COMMD10: variants seen among roughly 807,000 people sequenced by gnomAD.
COMMD10 encodes COMM domain-containing protein 10.
A neutral mutation model predicts 28.9 loss-of-function variants in COMMD10; 33 were observed. The observed-to-expected ratio is 1.14, with a 90% CI of 0.87 to 1.53. The LOEUF is 1.53. COMMD10 is among the 40% of genes most tolerant of loss of function. The probability of loss-of-function intolerance (pLI) is 0.00; values close to 1 mark genes in which losing one functional copy is unlikely to be tolerated. For missense variants in COMMD10, 310 were observed against 233.4 expected (o/e 1.33, Z -2.14); for synonymous variants, 110 against 81.7 (o/e 1.35, Z -1.87).
chr5:116,087,371 T>C lies in COMMD10; in HGVS notation c.42-126T>C, dbSNP rs1750139821. Reference sequence around the variant, plus strand: ...CCTTTTTTGCTGGCTGTCATCTGTTTTTATTTCACTCAGATTTACCATATA... The same window carrying C: ...CCTTTTTTGCTGGCTGTCATCTGTTCTTATTTCACTCAGATTTACCATATA... On this transcript the variant is annotated intron_variant, in intron 1 of 6. Transcript: ENST00000274458. The C allele has an allele frequency of 2.0e-5, 12 of 591,048 alleles. No individual in the cohort carries two copies. In the South Asian group the frequency reaches 3.0e-4, roughly 15 times the overall value. 36.6% of individuals were successfully genotyped at this position (591,048 alleles called of 1,614,324 possible).
chr5:116,171,015 A>G (rs1156438501), intron 5 of COMMD10, among the ~76,000 whole-genome samples: 1 of 152,230 alleles, frequency 6.6e-6, no homozygotes, highest in Non-Finnish European at 1.5e-5. Context: ...GAGCTTCTGC[A>G]CAGCAAAAGA....
chr5:116,187,905 GAGAATAATA>G (rs1375661974), intron 5 of COMMD10, among the ~76,000 whole-genome samples: 2 of 152,078 alleles, frequency 1.3e-5, no homozygotes, highest in Non-Finnish European at 2.9e-5. Flanking sequence ...AGAATTCTGA[GAGAATAATA>G]AGGGACTTTA....
At chr5:116,278,481 GTGA>G (rs1295990808) in intron 5 of COMMD10, among the ~76,000 whole-genome samples, 2 of 151,828 alleles carry the variant, frequency 1.3e-5, no homozygotes, top group African/African-American at 2.4e-5. Flanking sequence ...GGAAAATATA[GTGA>G]TGATATGACT....
At chr5:116,239,663 G>C (rs1444175566) in intron 5 of COMMD10, among the ~76,000 whole-genome samples, 2 of 152,118 alleles carry the variant, frequency 1.3e-5, no homozygotes, top group African/African-American at 2.4e-5. Flanking sequence ...GCTGTCATTT[G>C]ATCAGAATCT....
intron 5 of COMMD10, among the ~76,000 whole-genome samples, chr5:116,289,415 A>G (rs1366473817): frequency 6.6e-6 from 1 of 151,606 alleles, no homozygotes; most frequent in Admixed American, 6.6e-5. Context: ...CTTCACTAAT[A>G]CCCCAGCTGG....
chr5:116,251,885 G>T (rs1424521721), intron 5 of COMMD10, among the ~76,000 whole-genome samples: 1 of 151,728 alleles, frequency 6.6e-6, no homozygotes, highest in Non-Finnish European at 1.5e-5. Context: ...TTCCACAAGG[G>T]TTGAACTAGT....
rs149771384 is a variant in COMMD10, at chr5:116,111,135, G to A, written c.399+18435G>A. ...ATATCATTTGTAACGTCTCCATTTTGATTTCTTATTATATTTGGATCTTCT... is the reference window on the plus strand; with the variant it reads ...ATATCATTTGTAACGTCTCCATTTTAATTTCTTATTATATTTGGATCTTCT... On this transcript the variant is annotated intron_variant, in intron 4 of 6. Coordinates refer to ENST00000274458, the MANE Select transcript of COMMD10 (RefSeq NM_016144.4). 6.3e-3 allele frequency among the ~76,000 whole-genome samples: 963 copies of A among 152,166 alleles called. 2 individuals are homozygous for A. The highest frequency in any genetic ancestry group is 9.7e-3 in the Non-Finnish European group (657 of 67,980).
At chr5:116,253,875 C>G (rs1750198142) in intron 5 of COMMD10, among the ~76,000 whole-genome samples, 1 of 149,464 alleles carries the variant, frequency 6.7e-6, no homozygotes, top group Non-Finnish European at 1.5e-5. Flanking sequence ...AGGAATGGTA[C>G]TAGTTCCTCC....
rs545803481 is a variant in COMMD10, at chr5:116,270,993, C to G, written c.511-20524C>G. Among the ~76,000 whole-genome samples the G allele has an allele frequency of 1.0e-3, 157 of 151,678 alleles. No homozygotes were observed. In the East Asian group the frequency reaches 0.012, roughly 12 times the overall value. On this transcript the variant is annotated intron_variant, in intron 5 of 6. Coordinates refer to ENST00000274458, the MANE Select transcript of COMMD10 (RefSeq NM_016144.4). ...AAATAAAATCACACCATTTAACAAT[C>G]TCAGTATAACTTGGTTCATAAATTG...
At chr5:116,254,869 C>T (rs1467275581) in intron 5 of COMMD10, among the ~76,000 whole-genome samples, 50 of 151,362 alleles carry the variant, frequency 3.3e-4, no homozygotes, top group African/African-American at 1.1e-3. Flanking sequence ...CTTTCTGTCT[C>T]GTTGATCTGT....
chr5:116,130,026 G>T (rs1278679091), intron 4 of COMMD10, among the ~76,000 whole-genome samples: 1 of 151,142 alleles, frequency 6.6e-6, no homozygotes, highest in Non-Finnish European at 1.5e-5. Context: ...TTATTACTCT[G>T]TCATATGGCC....
intron 5 of COMMD10, among the ~76,000 whole-genome samples, chr5:116,260,570 A>G (rs1303661012): frequency 6.6e-6 from 1 of 151,840 alleles, no homozygotes; most frequent in Non-Finnish European, 1.5e-5. Context: ...TTTAATGGAG[A>G]TCACAAAAGG....
At chr5:116,192,997 A>T (rs1466174146) in intron 5 of COMMD10, among the ~76,000 whole-genome samples, 1 of 152,206 alleles carries the variant, frequency 6.6e-6, no homozygotes, top group Non-Finnish European at 1.5e-5. Context: ...AGAAGGGATT[A>T]GCCTTATCTT....
At chr5:116,149,788 T>C (rs1302468232) in intron 5 of COMMD10, among the ~76,000 whole-genome samples, 3 of 143,512 alleles carry the variant, frequency 2.1e-5, no homozygotes, top group South Asian at 4.7e-4. Flanking sequence ...TGCGAAAATT[T>C]TCTCCCATTT....
chr5:116,238,342 G>C (rs1413283075), intron 5 of COMMD10, among the ~76,000 whole-genome samples: 3 of 152,150 alleles, frequency 2.0e-5, no homozygotes, highest in African/African-American at 7.2e-5. Flanking sequence ...TGGGTTAAAA[G>C]GCAAGAGTTT....
intron 1 of COMMD10, among the ~76,000 whole-genome samples, chr5:116,086,734 A>G (rs1750112025): frequency 6.6e-6 from 1 of 152,164 alleles, no homozygotes; most frequent in Admixed American, 6.5e-5. Context: ...TGCTGGGATT[A>G]TAGGGGTGAG....
At chr5:116,129,704 CATT>C (rs1751797991) in intron 4 of COMMD10, among the ~76,000 whole-genome samples, 1 of 34,744 alleles carries the variant, frequency 2.9e-5, no homozygotes, top group African/African-American at 1.2e-4. Context: ...ATGTAATATA[CATT>C]AGTGTATATA....
At chr5:116,279,718 G>A (rs1394361382) in intron 5 of COMMD10, among the ~76,000 whole-genome samples, 4 of 151,870 alleles carry the variant, frequency 2.6e-5, no homozygotes, top group Non-Finnish European at 5.9e-5. Flanking sequence ...ATTGATGTTT[G>A]TAAAATGCTC....
chr5:116,202,335 A>G (rs112594203), intron 5 of COMMD10, among the ~76,000 whole-genome samples: 11 of 151,618 alleles, frequency 7.3e-5, no homozygotes, highest in African/African-American at 1.7e-4. Context: ...GAATAGTGCC[A>G]CAATAAACAT....
Sources: gnomAD v4.1 joint callset for allele counts (sites outside exome capture counted in the v4.1 genomes callset) on GRCh38, gnomAD v4.1.1 for gene constraint, MANE v1.5 for transcripts, NCBI Gene and HGNC (gene_info 2026-07-23, HGNC 2026-07-21) for gene names.